The following MCPH1 variants were observed in gnomAD, a reference collection of about 807,000 sequenced individuals.
The protein encoded by MCPH1 is microcephalin 1, also known as microcephalin.
In MCPH1, 104 loss-of-function variants were observed where a neutral mutation model predicts 84.5. The ratio of observed to expected loss-of-function variants is 1.23; its 90% CI spans 1.05 to 1.45. The LOEUF is 1.45. Ranked by LOEUF, MCPH1 falls within the 40% of genes most tolerant of loss-of-function variation. The pLI is 0.00. For missense variants in MCPH1, 1,498 were observed against 1,005.7 expected (o/e 1.49, Z -6.62); for synonymous variants, 514 against 366.8 (o/e 1.40, Z -4.58).
chr8:6,613,848 C>G (rs1156998433), intron 12 of MCPH1, among the ~76,000 whole-genome samples: 1 of 152,132 alleles, frequency 6.6e-6, no homozygotes, highest in African/African-American at 2.4e-5. Context: ...GGCAGGGATG[C>G]TTTTGATCGC....
intron 1 of MCPH1, among the ~76,000 whole-genome samples, chr8:6,408,251 C>G (rs1245724121): frequency 6.6e-6 from 1 of 152,226 alleles, no homozygotes; most frequent in Non-Finnish European, 1.5e-5. Flanking sequence ...ATTTATGAGA[C>G]AGAGTCTTAC....
At chr8:6,454,696 G>A (rs59254998) in intron 8 of MCPH1, among the ~76,000 whole-genome samples, 1,614 of 152,228 alleles carry the variant, frequency 0.011, 29 homozygotes, top group African/African-American at 0.036. Flanking sequence ...TCATTTGTAG[G>A]TTGAAGCCTG....
At chr8:6,562,762 C>T (rs1171913210) in intron 12 of MCPH1, 1 of 1,613,898 alleles carries the variant, frequency 6.2e-7, no homozygotes, top group South Asian at 1.1e-5. Context: ...CACGTAGGGG[C>T]TGGAGGAAGA....
chr8:6,598,474 G>A (rs1829094742), intron 12 of MCPH1, among the ~76,000 whole-genome samples: 1 of 152,206 alleles, frequency 6.6e-6, no homozygotes. Context: ...CGGTCGTGAG[G>A]AATGTCGTTG....
chr8:6,576,826 G>T (rs940219633), intron 12 of MCPH1, among the ~76,000 whole-genome samples: 1 of 150,670 alleles, frequency 6.6e-6, no homozygotes, highest in Non-Finnish European at 1.5e-5. Flanking sequence ...GCCTCCTAAA[G>T]TGCTGGGAGA....
intron 12 of MCPH1, among the ~76,000 whole-genome samples, chr8:6,554,781 A>G (rs371010540): frequency 1.3e-5 from 2 of 152,140 alleles, no homozygotes; most frequent in Admixed American, 6.5e-5. Context: ...ACAGGTTTCA[A>G]TCAGGTTCTA....
chr8:6,609,034 T>C (rs1830019732), intron 12 of MCPH1, among the ~76,000 whole-genome samples: 1 of 152,140 alleles, frequency 6.6e-6, no homozygotes, highest in South Asian at 2.1e-4. Flanking sequence ...CTGCCCAAAT[T>C]CTCGCCTAAA....
intron 12 of MCPH1, among the ~76,000 whole-genome samples, chr8:6,542,393 A>G (rs1043387966): frequency 2.6e-5 from 4 of 151,848 alleles, no homozygotes; most frequent in Non-Finnish European, 4.4e-5. Context: ...TGTGTGTTTC[A>G]GTTCTCTAAG....
chr8:6,535,513 C>G (rs1350159233), intron 12 of MCPH1, among the ~76,000 whole-genome samples: 2 of 152,058 alleles, frequency 1.3e-5, no homozygotes, highest in Non-Finnish European at 2.9e-5. Context: ...AATGTGTGTC[C>G]ATTTATGTTA....
At chr8:6,513,355 C>A (rs981162820) in intron 12 of MCPH1, among the ~76,000 whole-genome samples, 6 of 142,532 alleles carry the variant, frequency 4.2e-5, no homozygotes, top group Non-Finnish European at 9.0e-5. Context: ...TTTTTTGAGA[C>A]GGAGTCTTGC....
intron 12 of MCPH1, among the ~76,000 whole-genome samples, chr8:6,554,790 T>C (rs903178557): frequency 1.3e-5 from 2 of 152,174 alleles, no homozygotes; most frequent in Non-Finnish European, 2.9e-5. Context: ...AATCAGGTTC[T>C]AGATGAATTG....
chr8:6,450,433 C>T (rs548587862), intron 8 of MCPH1, among the ~76,000 whole-genome samples: 1 of 151,084 alleles, frequency 6.6e-6, no homozygotes, highest in Admixed American at 6.6e-5. Context: ...ATCGTGTATC[C>T]TTTGACCCTG....
At chr8:6,554,578 GGTT>G (rs1824259948) in intron 12 of MCPH1, among the ~76,000 whole-genome samples, 1 of 152,020 alleles carries the variant, frequency 6.6e-6, no homozygotes, top group East Asian at 1.9e-4. Context: ...TTTTTAATTT[GGTT>G]GTTGGTTTTT....
At chr8:6,438,503 A>C (rs1230343251) in intron 5 of MCPH1, among the ~76,000 whole-genome samples, 1 of 152,200 alleles carries the variant, frequency 6.6e-6, no homozygotes, top group East Asian at 1.9e-4. Flanking sequence ...TGCTGATCCC[A>C]CTTCATGCAG....
rs150492017 is a variant in MCPH1 at position 6,642,499 on chromosome 8, G to A, written c.2453-495G>A. 7.4e-4 allele frequency among the ~76,000 whole-genome samples: 113 copies of A among 152,336 alleles called. 1 individual carries two copies. Among genetic ancestry groups the A allele is most frequent in the African/African-American group, 2.6e-3 (110 of 41,584 alleles). On this transcript the variant is annotated intron_variant, in intron 13 of 13. Transcript: ENST00000344683. Reference sequence around the variant, plus strand: ...TGAAGAACAGAGTTTTAGAAAGTATGCTTATTCACTTGGAATTCCATAAAA... The same window carrying A: ...TGAAGAACAGAGTTTTAGAAAGTATACTTATTCACTTGGAATTCCATAAAA...
intron 12 of MCPH1, among the ~76,000 whole-genome samples, chr8:6,550,760 C>G (rs143226790): frequency 1.6e-3 from 237 of 152,262 alleles, no homozygotes; most frequent in African/African-American, 5.5e-3. Context: ...GTTCTGATAC[C>G]TCTCAGAGCT....
At chr8:6,590,380 T>C (rs966749954) in intron 12 of MCPH1, among the ~76,000 whole-genome samples, 5 of 152,204 alleles carry the variant, frequency 3.3e-5, no homozygotes, top group African/African-American at 1.2e-4. Flanking sequence ...TTTTCTGGAA[T>C]GTCTCATAAG....
chr8:6,572,016 C>A (rs1051995327), intron 12 of MCPH1, among the ~76,000 whole-genome samples: 1 of 152,106 alleles, frequency 6.6e-6, no homozygotes, highest in Admixed American at 6.6e-5. Flanking sequence ...CAAGCATTTT[C>A]TTTGGTACCC....
At chr8:6,483,068 G>A (rs1269831599) in intron 11 of MCPH1, among the ~76,000 whole-genome samples, 3 of 152,208 alleles carry the variant, frequency 2.0e-5, no homozygotes, top group African/African-American at 7.2e-5. Flanking sequence ...GCTGAGTTGA[G>A]CAAGTCATCC....
Sources: allele counts gnomAD v4.1 joint callset (sites outside exome capture counted in the v4.1 genomes callset), GRCh38; gene constraint gnomAD v4.1.1; transcripts MANE v1.5; gene names NCBI Gene and HGNC (gene_info 2026-07-23, HGNC 2026-07-21).